The following ROBO2 variants were observed in gnomAD, a reference collection of about 807,000 sequenced individuals.
ROBO2 encodes the protein roundabout homolog 2.
In ROBO2, 53 loss-of-function variants were observed where a neutral mutation model predicts 160.8. That is an observed-to-expected ratio of 0.33 (90% CI 0.26 to 0.41). The LOEUF (loss-of-function observed/expected upper bound fraction) is 0.41, where lower values mean the gene tolerates loss of function less well. Among genes scored for constraint, ROBO2 ranks in the 10% least tolerant of loss-of-function variants. ROBO2 has a pLI of 1.00. For missense variants in ROBO2, 1,577 were observed against 1,722.4 expected (o/e 0.92, Z 1.49); for synonymous variants, 664 against 611.7 (o/e 1.09, Z -1.26).
chr3:76,693,448 G>GTATA (rs150823337), intron 2 of ROBO2, among the ~76,000 whole-genome samples: 41 of 148,624 alleles, frequency 2.8e-4, no homozygotes, highest in African/African-American at 9.7e-4. Flanking sequence ...CTATATATGT[G>GTATA]TATATATATA....
At chr3:77,020,809 A>T (rs1258628562) in intron 2 of ROBO2, among the ~76,000 whole-genome samples, 1 of 152,228 alleles carries the variant, frequency 6.6e-6, no homozygotes, top group Non-Finnish European at 1.5e-5. Flanking sequence ...AGTAAGATAT[A>T]GTTTATGTAC....
Position 76,247,968 on chromosome 3 carries a change from A to G in ROBO2, c.109+310366A>G, listed in dbSNP as rs533716375. Among the ~76,000 whole-genome samples the G allele has an allele frequency of 2.2e-3, 338 of 151,626 alleles. 1 individual carries two copies. Among genetic ancestry groups the G allele is most frequent in the African/African-American group, 7.3e-3 (301 of 41,358 alleles). The stretch of plus-strand genomic sequence containing the variant: ...ACCATCTCACACCAGTTAGAATGGC[A>G]ATCATTAAAAAGTCAGGAAACAACA... On this transcript the variant is annotated intron_variant, in intron 2 of 26. Transcript: ENST00000487694.
At chr3:77,138,675 A>G (rs924155998) in intron 2 of ROBO2, among the ~76,000 whole-genome samples, 3 of 131,610 alleles carry the variant, frequency 2.3e-5, no homozygotes, top group Admixed American at 7.6e-5. Context: ...CCCTTGTTTA[A>G]TGTTCCGTTT....
intron 2 of ROBO2, among the ~76,000 whole-genome samples, chr3:76,202,092 A>C (rs146368433): frequency 0.013 from 2,031 of 151,964 alleles, 44 homozygotes; most frequent in African/African-American, 0.047. Context: ...GCTCATCTCT[A>C]CTCCCCTGAA....
At chr3:76,232,645 A>G (rs1483271683) in intron 2 of ROBO2, among the ~76,000 whole-genome samples, 1 of 152,192 alleles carries the variant, frequency 6.6e-6, no homozygotes, top group Non-Finnish European at 1.5e-5. Flanking sequence ...AATCATTTAA[A>G]CAGTAATTCC....
At chr3:76,537,500 G>C (rs1202142216) in intron 2 of ROBO2, among the ~76,000 whole-genome samples, 2 of 152,070 alleles carry the variant, frequency 1.3e-5, no homozygotes, top group African/African-American at 4.8e-5. Flanking sequence ...CTGAAGGGTA[G>C]CGAGAGAGGC....
At chr3:76,876,376 T>C (rs1408208274) in intron 2 of ROBO2, among the ~76,000 whole-genome samples, 1 of 152,180 alleles carries the variant, frequency 6.6e-6, no homozygotes, top group South Asian at 2.1e-4. Context: ...CTTTGACTTA[T>C]ATAAAGAGTA....
At chr3:76,734,296 T>C (rs938227368) in intron 2 of ROBO2, among the ~76,000 whole-genome samples, 1 of 152,200 alleles carries the variant, frequency 6.6e-6, no homozygotes, top group African/African-American at 2.4e-5. Flanking sequence ...ATATAATTCA[T>C]CTTCCAAGTT....
intron 2 of ROBO2, among the ~76,000 whole-genome samples, chr3:76,474,438 G>A (rs2078824379): frequency 6.6e-6 from 1 of 152,068 alleles, no homozygotes. Flanking sequence ...AGACAGCATA[G>A]ATCATTTATT....
At chr3:76,053,930 T>C (rs536831787) in intron 2 of ROBO2, among the ~76,000 whole-genome samples, 28 of 152,214 alleles carry the variant, frequency 1.8e-4, no homozygotes, top group Non-Finnish European at 3.5e-4. Context: ...CCCAAAAATA[T>C]CATGCAAGCA....
chr3:76,173,943 T>C (rs1165137194), intron 2 of ROBO2, among the ~76,000 whole-genome samples: 1 of 152,176 alleles, frequency 6.6e-6, no homozygotes, highest in Non-Finnish European at 1.5e-5. Flanking sequence ...TGCCACACTG[T>C]CTTCCACAAT....
At chr3:76,900,152 C>A (rs2075115266) in intron 2 of ROBO2, among the ~76,000 whole-genome samples, 1 of 152,116 alleles carries the variant, frequency 6.6e-6, no homozygotes, top group Non-Finnish European at 1.5e-5. Context: ...ATTTCATGAG[C>A]CTCATTCACT....
intron 2 of ROBO2, among the ~76,000 whole-genome samples, chr3:76,431,791 T>C (rs2076448818): frequency 6.6e-6 from 1 of 152,160 alleles, no homozygotes; most frequent in South Asian, 2.1e-4. Context: ...TTTTCTGCTT[T>C]TGTCTTAAAT....
intron 2 of ROBO2, among the ~76,000 whole-genome samples, chr3:77,331,694 C>T (rs150615026): frequency 2.6e-4 from 39 of 150,266 alleles, no homozygotes; most frequent in South Asian, 6.3e-4. Context: ...TATTTATTTA[C>T]TTATTTATTT....
intron 2 of ROBO2, among the ~76,000 whole-genome samples, chr3:76,297,639 T>C (rs529618756): frequency 1.5e-3 from 221 of 147,544 alleles, no homozygotes; most frequent in Middle Eastern, 0.014. Context: ...TAGCTTCAGC[T>C]TCAGGAATTG....
At chr3:77,228,198 G>T (rs1323885103) in intron 2 of ROBO2, among the ~76,000 whole-genome samples, 1 of 151,880 alleles carries the variant, frequency 6.6e-6, no homozygotes, top group Non-Finnish European at 1.5e-5. Context: ...ACAGAGGTTT[G>T]CTGTATCACC....
intron 2 of ROBO2, among the ~76,000 whole-genome samples, chr3:77,285,557 G>A (rs901017139): frequency 6.6e-6 from 1 of 152,096 alleles, no homozygotes; most frequent in Non-Finnish European, 1.5e-5. Flanking sequence ...TGACAGAAAT[G>A]ACGTTTTATT....
intron 2 of ROBO2, among the ~76,000 whole-genome samples, chr3:76,181,731 C>T (rs889889593): frequency 6.6e-6 from 1 of 151,780 alleles, no homozygotes; most frequent in African/African-American, 2.4e-5. Flanking sequence ...ACCTCAGTGC[C>T]ATTTTGACAC....
chr3:76,505,494 T>C (rs1365907460), intron 2 of ROBO2, among the ~76,000 whole-genome samples: 1 of 152,138 alleles, frequency 6.6e-6, no homozygotes, highest in African/African-American at 2.4e-5. Context: ...TTTTTGCATA[T>C]GTACTCAAGT....
Sources: allele counts gnomAD v4.1 joint callset (sites outside exome capture counted in the v4.1 genomes callset), GRCh38; gene constraint gnomAD v4.1.1; transcripts MANE v1.5; gene names NCBI Gene and HGNC (gene_info 2026-07-23, HGNC 2026-07-21).